LYRM1: variants seen among roughly 807,000 people sequenced by gnomAD.
LYRM1 encodes the protein LYR motif containing 1, also known as LYR motif-containing protein 1.
Under a neutral mutation model 14.9 loss-of-function variants are expected in LYRM1, and 14 were observed. That is an observed-to-expected ratio of 0.94 (90% CI 0.62 to 1.47). The LOEUF (loss-of-function observed/expected upper bound fraction) is 1.47, where lower values mean the gene tolerates loss of function less well. Among genes scored for constraint, LYRM1 ranks in the 40% most tolerant of loss-of-function variants. LYRM1 has a pLI of 0.00. For missense variants in LYRM1, 153 were observed against 149.9 expected, an observed-to-expected ratio of 1.02 and a Z score of -0.11; for synonymous variants, 43 against 56.2, an observed-to-expected ratio of 0.77 and a Z score of 1.05.
Position 20,900,850 on chromosome 16 carries a change from G to T in LYRM1, c.-40G>T. ...GCCTCCTCCCAGCCCGCCGCGGGCT[G>T]CGCGCTTCTGTGGGTGGGGGAAGGC... On this transcript the variant is annotated 5_prime_UTR_variant, in exon 1 of 4. Transcript: ENST00000567954. The T allele has an allele frequency of 6.5e-6, 1 of 153,474 alleles. No homozygotes were observed. 9.5% of individuals were successfully genotyped at this position (153,474 alleles called of 1,614,324 possible).
chr16:20,912,787 C>T (rs548207148), intron 1 of LYRM1, among the ~76,000 whole-genome samples: 3 of 151,406 alleles, frequency 2.0e-5, no homozygotes, highest in Admixed American at 2.0e-4. Flanking sequence ...GCAAAGCAGG[C>T]GGGGTGCGGT....
At chr16:20,920,072 G>A (rs2083105946) in intron 2 of LYRM1, 50 bp from the exon 3 acceptor site, 2 of 1,276,034 alleles carry the variant, frequency 1.6e-6, no homozygotes, top group Non-Finnish European at 2.3e-6. Flanking sequence ...TATACTCTAT[G>A]TACCATTAGA....
chr16:20,900,767 T>C (rs1678486868), upstream of LYRM1: 1 of 152,354 alleles, frequency 6.6e-6, no homozygotes, highest in Admixed American at 6.5e-5. Flanking sequence ...TGGTCCGGCC[T>C]GGCCTACTGG....
At chr16:20,916,227 G>A (rs1333454674) in intron 2 of LYRM1, among the ~76,000 whole-genome samples, 1 of 152,080 alleles carries the variant, frequency 6.6e-6, no homozygotes, top group Non-Finnish European at 1.5e-5. Context: ...TTGCCCTTTG[G>A]GACCACAGAA....
At chr16:20,923,935 C>T (rs2083335396) in intron 3 of LYRM1, 65 bp from the exon 4 acceptor site, 2 of 866,176 alleles carry the variant, frequency 2.3e-6, no homozygotes, top group Admixed American at 2.2e-5. Context: ...TGAGTAGATC[C>T]TCAGTGAATA....
rs141433219 is a variant in LYRM1, at chr16:20,923,999, G to A, written c.253-1G>A. On this transcript the variant is annotated splice_acceptor_variant, in intron 3 of 3. Transcript: ENST00000567954. LOFTEE classifies it high-confidence loss of function. ...TTCTTCATATTATTGTTCTTATTCA[G>A]ATTCATCTGCCTCCAATGGGCCTTA... 16 of 1,541,122 alleles carry A rather than the reference G, an allele frequency of 1.0e-5. No homozygotes were observed. The highest frequency in any genetic ancestry group is 1.4e-5 in the Non-Finnish European group (16 of 1,120,948).
intron 1 of LYRM1, among the ~76,000 whole-genome samples, chr16:20,903,777 C>T (rs967462259): frequency 1.3e-5 from 2 of 151,322 alleles, no homozygotes; most frequent in Non-Finnish European, 2.9e-5. Flanking sequence ...GGTTATTTAT[C>T]AGAGAGTTGG....
At chr16:20,914,269 A>G (rs1490797782) in intron 1 of LYRM1, among the ~76,000 whole-genome samples, 1 of 147,926 alleles carries the variant, frequency 6.8e-6, no homozygotes, top group East Asian at 2.0e-4. Context: ...TGGCCTGTAC[A>G]GTCGTCACTT....
chr16:20,913,321 T>C (rs1040264296), intron 1 of LYRM1, among the ~76,000 whole-genome samples: 1 of 149,232 alleles, frequency 6.7e-6, no homozygotes, highest in Non-Finnish European at 1.5e-5. Context: ...TTCTTTGTTT[T>C]TTTTTTTTTT....
At chr16:20,913,151 G>T (rs1316531492) in intron 1 of LYRM1, among the ~76,000 whole-genome samples, 1 of 151,142 alleles carries the variant, frequency 6.6e-6, no homozygotes, top group Non-Finnish European at 1.5e-5. Flanking sequence ...TATGTGTAAA[G>T]ATATGCACAA....
intron 2 of LYRM1, among the ~76,000 whole-genome samples, chr16:20,918,324 G>C (rs1003446686): frequency 1.3e-5 from 2 of 152,184 alleles, no homozygotes; most frequent in Non-Finnish European, 2.9e-5. Flanking sequence ...CTCGAGGAGT[G>C]AGCCAGAGGG....
At position 20,901,969 on chromosome 16, in the gene LYRM1, C is replaced by CA. The variant is rs1489028407; in HGVS notation, c.-1+1085dup. 6.6e-6 allele frequency among the ~76,000 whole-genome samples: 1 copy of CA among 152,136 alleles called. No homozygotes were observed. Among genetic ancestry groups the CA allele is most frequent in the Non-Finnish European group, 1.5e-5 (1 of 68,022 alleles). On this transcript the variant is annotated intron_variant, in intron 1 of 3. Transcript: ENST00000567954. This position sits in a 1 kb window ranked among gnomAD's most constrained non-coding sequence, Gnocchi z 4.6. ...TGAAACCCCATCTCTACTAAAAATA[C>CA]AAAAATCAGCTGGGCGTAGTGGCAC...
chr16:20,913,006 C>T (rs756000455), intron 1 of LYRM1, among the ~76,000 whole-genome samples: 5 of 151,572 alleles, frequency 3.3e-5, no homozygotes, highest in Non-Finnish European at 7.4e-5. Context: ...GCGGAGGTTG[C>T]AGTGAGCCGA....
At chr16:20,911,498 C>T (rs1231781890) in intron 1 of LYRM1, among the ~76,000 whole-genome samples, 2 of 152,132 alleles carry the variant, frequency 1.3e-5, no homozygotes, top group East Asian at 1.9e-4. Context: ...GCTTACTTCC[C>T]GATCCTGATG....
chr16:20,920,860 C>T (rs908785949), intron 3 of LYRM1, among the ~76,000 whole-genome samples: 4 of 151,710 alleles, frequency 2.6e-5, no homozygotes, highest in Admixed American at 2.6e-4. Context: ...TGCGCTCCAG[C>T]CTGGGTGACA....
In LYRM1 at chr16:20,916,082, G is replaced by GT. The variant is rs3216893; in HGVS notation, c.159+378dup. Among the ~76,000 whole-genome samples the GT allele has an allele frequency of 6.2e-3, 921 of 149,546 alleles. 13 individuals are homozygous for GT. The highest frequency in any genetic ancestry group is 0.022 in the African/African-American group (880 of 39,676). The stretch of plus-strand genomic sequence containing the variant: ...AAAGTGGTTTTTTGTTGTTGTTGTT[G>GT]TTTTTTTTTTCAATTCATAAACTAT... On this transcript the variant is annotated intron_variant, in intron 2 of 3. Coordinates refer to ENST00000567954, the MANE Select transcript of LYRM1 (RefSeq NM_001128302.3).
chr16:20,915,476 AAC>A, intron 1 of LYRM1, 78 bp from the exon 2 acceptor site: 5 of 1,351,976 alleles, frequency 3.7e-6, no homozygotes, highest in Non-Finnish European at 5.1e-6. Context: ...AAAAAAAAAA[AAC>A]TGTACATCTG....
chr16:20,911,042 G>C (rs141878324), intron 1 of LYRM1: 193 of 152,154 alleles, frequency 1.3e-3, no homozygotes, highest in African/African-American at 4.5e-3. Context: ...ATCTCATCTG[G>C]GTTTTTATTA....
chr16:20,910,211 C>T (rs1409666573), intron 1 of LYRM1, among the ~76,000 whole-genome samples: 1 of 152,170 alleles, frequency 6.6e-6, no homozygotes, highest in East Asian at 1.9e-4. Context: ...CTGAAACAAA[C>T]CCAGTAAGAA....
Sources: allele counts gnomAD v4.1 joint callset (sites outside exome capture counted in the v4.1 genomes callset), GRCh38; gene constraint gnomAD v4.1.1; non-coding constraint Gnocchi (gnomAD v3.1); transcripts MANE v1.5; gene names NCBI Gene and HGNC (gene_info 2026-07-23, HGNC 2026-07-21).